The following LAMA3 variants were observed in gnomAD, a reference collection of about 807,000 sequenced individuals.
LAMA3 encodes the protein laminin subunit alpha-3.
A neutral mutation model predicts 402.0 loss-of-function variants in LAMA3; 281 were observed. The ratio of observed to expected loss-of-function variants is 0.70; its 90% confidence interval spans 0.63 to 0.77. The LOEUF is 0.77. Among genes scored for constraint, LAMA3 ranks in the 30% least tolerant of loss-of-function variants. The pLI is 0.00. For synonymous variants in LAMA3, 1,431 were observed against 1,558.4 expected (o/e 0.92, Z 1.93); for missense variants, 3,840 against 4,215.5 (o/e 0.91, Z 2.47).
At chr18:23,933,684 C>T (rs2082230090) in intron 66 of LAMA3, 98 bp from the exon 67 acceptor site, 1 of 1,368,332 alleles carries the variant, frequency 7.3e-7, no homozygotes, top group East Asian at 2.3e-5. Context: ...CTCTTCATCC[C>T]CAAAACATGT....
intron 12 of LAMA3, among the ~76,000 whole-genome samples, chr18:23,805,376 A>G (rs1158294578): frequency 6.6e-6 from 1 of 152,218 alleles, no homozygotes. Flanking sequence ...GGTAGCCCTC[A>G]TCTCTGCAAT....
intron 12 of LAMA3, chr18:23,796,298 C>G (rs2062761985): frequency 5.0e-6 from 1 of 199,866 alleles, no homozygotes; most frequent in Non-Finnish European, 1.1e-5. Flanking sequence ...AGTCCTGTGG[C>G]CGTGGAATTC....
rs145586993 is a variant in LAMA3 at position 23,715,216 on chromosome 18, A to G, written c.447+1144A>G. 5.5e-4 allele frequency among the ~76,000 whole-genome samples: 84 copies of G among 152,216 alleles called. 1 individual carries two copies. In the East Asian group the frequency reaches 0.016, roughly 29 times the overall value. ...GTTGGACAACTCTGTGAATATGCCG[A>G]AGACCATTGGCATGTACACTTTAGA... is the stretch of plus-strand genomic sequence containing the variant. On this transcript the variant is annotated intron_variant, in intron 2 of 74. Transcript: ENST00000313654.
At chr18:23,944,096 G>C (rs2082623313) in intron 69 of LAMA3, 125 bp downstream of exon 69, 8 of 918,444 alleles carry the variant, frequency 8.7e-6, no homozygotes, top group Non-Finnish European at 1.4e-5. Flanking sequence ...TTGTGTGCTT[G>C]CAGGCGCTGC....
chr18:23,787,516 A>T (rs1197691370), intron 12 of LAMA3, among the ~76,000 whole-genome samples: 2 of 152,258 alleles, frequency 1.3e-5, no homozygotes, highest in African/African-American at 2.4e-5. Flanking sequence ...GACATATTAT[A>T]GTTAAAATCA....
chr18:23,806,089 T>C (rs1300121057), intron 12 of LAMA3, among the ~76,000 whole-genome samples: 2 of 152,238 alleles, frequency 1.3e-5, no homozygotes, highest in Non-Finnish European at 2.9e-5. Flanking sequence ...CTAGTCAGCA[T>C]AGGTCTCTGA....
intron 18 of LAMA3, among the ~76,000 whole-genome samples, chr18:23,817,751 A>G (rs1484222777): frequency 6.6e-6 from 1 of 152,068 alleles, no homozygotes; most frequent in Non-Finnish European, 1.5e-5. Context: ...ACCCAGCCGC[A>G]CTTTCCCTCA....
At chr18:23,729,404 A>T (rs544971409) in intron 2 of LAMA3, among the ~76,000 whole-genome samples, 1 of 152,306 alleles carries the variant, frequency 6.6e-6, no homozygotes, top group Admixed American at 6.5e-5. Flanking sequence ...GATAGTAAAA[A>T]TATTTGTCTT....
chr18:23,924,878 G>A (rs1422237328), intron 62 of LAMA3, among the ~76,000 whole-genome samples: 1 of 152,118 alleles, frequency 6.6e-6, no homozygotes, highest in Non-Finnish European at 1.5e-5. Context: ...ACTGGAACAT[G>A]GAAAATGCAG....
Position 23,871,536 on chromosome 18 carries a change from G to A in LAMA3, c.4873G>A (p.Glu1625Lys). 1 of 1,614,220 alleles carries A rather than the reference G, an allele frequency of 6.2e-7. No homozygotes were observed. The highest frequency in any genetic ancestry group is 8.5e-7 in the Non-Finnish European group (1 of 1,180,032). Residue 1625 changes from glutamate (E) to lysine (K), a missense_variant, in exon 38 of 75, where the codon GAG becomes AAG. Physicochemically the swap from Glu to Lys is moderately conservative, Grantham distance 56 (BLOSUM62 1). Around this residue, in one of 3 missense-constraint regions of LAMA3, gnomAD observed 2,109 missense variants for 2,376.0 expected, o/e 0.89. Coordinates refer to ENST00000313654, the MANE Select transcript of LAMA3 (RefSeq NM_198129.4). ...DVRIQGLYFT[E>K]TQRLTLSEVG... ...GCGCATCCAAGGCCTCTACTTCACAGAGACTCAAAGGCTCACCCTGAGCGA... is the reference window on the plus strand; with the variant it reads ...GCGCATCCAAGGCCTCTACTTCACAAAGACTCAAAGGCTCACCCTGAGCGA...
intron 17 of LAMA3, 84 bp from the exon 18 acceptor site, chr18:23,816,304 C>A: frequency 2.0e-6 from 2 of 986,878 alleles, no homozygotes; most frequent in South Asian, 1.3e-5. Flanking sequence ...CTGGGATGGT[C>A]AGTTTTCCTT....
chr18:23,794,912 A>C (rs2062733340), intron 12 of LAMA3, among the ~76,000 whole-genome samples: 1 of 152,184 alleles, frequency 6.6e-6, no homozygotes, highest in African/African-American at 2.4e-5. Context: ...AACTCTCGAC[A>C]TTATTTTCAC....
intron 2 of LAMA3, among the ~76,000 whole-genome samples, chr18:23,745,443 A>G (rs1378189978): frequency 6.6e-6 from 1 of 152,194 alleles, no homozygotes; most frequent in African/African-American, 2.4e-5. Context: ...TGGGCTCTCT[A>G]GAATAGAATT....
intron 41 of LAMA3, among the ~76,000 whole-genome samples, chr18:23,888,885 T>G (rs139803200): frequency 1.3e-5 from 2 of 151,242 alleles, no homozygotes; most frequent in African/African-American, 4.9e-5. Flanking sequence ...TTAATGGAAA[T>G]ATTGTAATTG....
intron 37 of LAMA3, among the ~76,000 whole-genome samples, chr18:23,869,490 T>C (rs1482779705): frequency 6.6e-6 from 1 of 152,192 alleles, no homozygotes; most frequent in East Asian, 1.9e-4. Context: ...TTTGCATGCT[T>C]CCGTAAATTT....
intron 32 of LAMA3, among the ~76,000 whole-genome samples, chr18:23,855,656 C>G (rs149749005): frequency 2.6e-5 from 4 of 152,306 alleles, no homozygotes; most frequent in African/African-American, 7.2e-5. Context: ...TTAGTGGACA[C>G]TTTTCTGAGA....
intron 12 of LAMA3, among the ~76,000 whole-genome samples, chr18:23,801,791 G>A (rs1259990561): frequency 6.6e-6 from 1 of 152,136 alleles, no homozygotes; most frequent in Non-Finnish European, 1.5e-5. Context: ...CTGATGATTA[G>A]TGATGTTGAA....
chr18:23,909,271 G>A lies in LAMA3; in HGVS notation c.7134G>A (p.Gln2378=). 6.2e-7 allele frequency: 1 copy of A among 1,612,866 alleles called. No homozygotes were observed. The highest frequency in any genetic ancestry group is 8.5e-7 in the Non-Finnish European group (1 of 1,180,016). The change falls in exon 55 of 75, where the codon CAG becomes CAA. Residue 2378 remains glutamine, a synonymous_variant. Transcript: ENST00000313654. ...TGGACAGAATACGAGAACTAATTCA[G>A]CAGGCCAGAGATGCTGCCAGTAAGG... ...DNMDRIRELI[Q]QARDAASKVA... is the part of the protein sequence containing the mutation.
Position 23,857,948 on chromosome 18 carries a change from C to T in LAMA3, c.4241C>T (p.Pro1414Leu), listed in dbSNP as rs374313648. 8 of 1,614,046 alleles carry T rather than the reference C, an allele frequency of 5.0e-6. No homozygotes were observed. Among genetic ancestry groups the T allele is most frequent in the Non-Finnish European group, 6.8e-6 (8 of 1,180,020 alleles). ...AATTGCAACAGAGATGGGACTGAGC[C>T]AGGAGTGTGTGACCCAGGGACCGGG... ...PCNCNRDGTEPGVCDPGTGAC... is the reference protein window; with the variant it reads ...PCNCNRDGTELGVCDPGTGAC... Residue 1414 changes from proline to leucine, a missense_variant, in exon 33 of 75, where the codon CCA (proline) becomes CTA (leucine). Physicochemically the swap from Pro to Leu is moderately conservative, Grantham distance 98 (BLOSUM62 -3). Around this residue, in one of 3 missense-constraint regions of LAMA3, gnomAD observed 2,109 missense variants for 2,376.0 expected, o/e 0.89. Transcript: ENST00000313654.
Sources: gnomAD v4.1 joint callset for allele counts (sites outside exome capture counted in the v4.1 genomes callset) on GRCh38, gnomAD v4.1.1 for gene constraint, gnomAD v4.1.1 regional missense constraint, MANE v1.5 for transcripts, NCBI Gene and HGNC (gene_info 2026-07-23, HGNC 2026-07-21) for gene names.